The following SH2D4B variants were observed in gnomAD, a reference collection of about 807,000 sequenced individuals.
SH2D4B encodes the protein SH2 domain containing 4B, also known as SH2 domain-containing protein 4B.
A neutral mutation model predicts 61.5 loss-of-function variants in SH2D4B; 45 were observed. The ratio of observed to expected loss-of-function variants is 0.73; its 90% CI spans 0.58 to 0.94. The LOEUF (loss-of-function observed/expected upper bound fraction) is 0.94. Ranked by LOEUF, SH2D4B falls within the 40% of genes least tolerant of loss-of-function variation. The pLI, the probability that SH2D4B is intolerant of heterozygous loss-of-function variation, is 0.00. For missense variants in SH2D4B, 572 were observed against 574.2 expected, an observed-to-expected ratio of 1.00 and a Z score of 0.04; for synonymous variants, 224 against 220.4, an observed-to-expected ratio of 1.02 and a Z score of -0.14.
chr10:80,592,984 G>T (rs1466486180), intron 4 of SH2D4B, among the ~76,000 whole-genome samples: 1 of 152,046 alleles, frequency 6.6e-6, no homozygotes, highest in African/African-American at 2.4e-5. Context: ...CTCCCTAAGT[G>T]CTGGGATTAC....
chr10:80,630,578 G>A (rs1006493609), intron 6 of SH2D4B, among the ~76,000 whole-genome samples: 1 of 152,242 alleles, frequency 6.6e-6, no homozygotes, highest in Non-Finnish European at 1.5e-5. Flanking sequence ...GGAGAACAGA[G>A]GATTGATGTG....
At chr10:80,603,096 A>G (rs962020440) in intron 4 of SH2D4B, among the ~76,000 whole-genome samples, 5 of 152,112 alleles carry the variant, frequency 3.3e-5, no homozygotes, top group Non-Finnish European at 7.4e-5. Flanking sequence ...CACCAAGCCC[A>G]GGGCTTGGCA....
chr10:80,629,578 T>TG (rs1372773096), intron 6 of SH2D4B, among the ~76,000 whole-genome samples: 3 of 152,114 alleles, frequency 2.0e-5, no homozygotes, highest in African/African-American at 4.8e-5. Context: ...TCAGGGGTTG[T>TG]GGTGGGGGAC....
chr10:80,638,642 T>C (rs548901755), intron 7 of SH2D4B, among the ~76,000 whole-genome samples: 5 of 152,336 alleles, frequency 3.3e-5, no homozygotes, highest in East Asian at 3.9e-4. Flanking sequence ...ATCCCCTTTA[T>C]CATTTTTTAT....
At position 80,556,582 on chromosome 10, in the gene SH2D4B, G is replaced by A. The variant is rs114179173; in HGVS notation, c.185-13572G>A. 3.8e-3 allele frequency among the ~76,000 whole-genome samples: 573 copies of A among 152,200 alleles called. 3 individuals are homozygous for A. Among genetic ancestry groups the A allele is most frequent in the African/African-American group, 0.01 (434 of 41,530 alleles). ...GTGTATTGCTCCATTTATTTAGGTC[G>A]TCAATTTCTTTCAGCAATGTTTTGT... is the stretch of plus-strand genomic sequence containing the variant. On this transcript the variant is annotated intron_variant, in intron 1 of 7. Transcript: ENST00000646907.
Position 80,630,150 on chromosome 10 carries a change from C to T in SH2D4B, c.989-4135C>T, listed in dbSNP as rs551516700. Among the ~76,000 whole-genome samples the T allele has an allele frequency of 2.6e-5, 4 of 152,292 alleles. No homozygotes were observed. The South Asian group carries it at 6.2e-4, about 24-fold the overall frequency. On this transcript the variant is annotated intron_variant, in intron 6 of 7. Coordinates refer to ENST00000646907, the MANE Select transcript of SH2D4B (RefSeq NM_001388272.1). ...GGTAAGTGAGCCTGCTCCTGGAGTA[C>T]AGCTCAGAGAAAAATCTTGGCCAGG...
At chr10:80,624,888 A>G (rs566322910) in intron 6 of SH2D4B, among the ~76,000 whole-genome samples, 1 of 152,328 alleles carries the variant, frequency 6.6e-6, no homozygotes, top group Admixed American at 6.5e-5. Flanking sequence ...AATATTAAAT[A>G]TTGAATACTT....
At chr10:80,618,666 G>A (rs1842684608) in intron 6 of SH2D4B, among the ~76,000 whole-genome samples, 1 of 152,188 alleles carries the variant, frequency 6.6e-6, no homozygotes, top group African/African-American at 2.4e-5. Context: ...AGTGGTAATG[G>A]AGGTGTTGTC....
rs977847364 is a variant in SH2D4B, at chr10:80,539,223, C to T, written c.184+708C>T. Among the ~76,000 whole-genome samples the T allele has an allele frequency of 6.6e-6, 1 of 152,220 alleles. No individual in the cohort carries two copies. Among genetic ancestry groups the T allele is most frequent in the Non-Finnish European group, 1.5e-5 (1 of 68,034 alleles). On this transcript the variant is annotated intron_variant, in intron 1 of 7. Coordinates refer to ENST00000646907, the MANE Select transcript of SH2D4B (RefSeq NM_001388272.1). The surrounding 1 kb of genome is among the most constrained non-coding windows in gnomAD (Gnocchi z 4.9). ...TGGGTGAAGGAAATCATCCAGGACC[C>T]CTGGGCCAGAAACTGGCAGGCTGCT...
intron 5 of SH2D4B, among the ~76,000 whole-genome samples, chr10:80,605,660 G>A (rs916303219): frequency 2.6e-5 from 4 of 151,982 alleles, no homozygotes; most frequent in Admixed American, 6.6e-5. Flanking sequence ...CTGGGATTAT[G>A]GGTGCGTGCC....
chr10:80,643,052 T>A, intron 7 of SH2D4B: 1 of 152,692 alleles, frequency 6.5e-6, no homozygotes, highest in East Asian at 1.9e-4. Context: ...CTTGGATTTC[T>A]TCTGTGAATC....
intron 1 of SH2D4B, among the ~76,000 whole-genome samples, chr10:80,543,818 A>G (rs12771216): frequency 6.9e-3 from 826 of 119,168 alleles, no homozygotes; most frequent in African/African-American, 0.019. Context: ...GAATGCACCA[A>G]TGGACACTCT....
chr10:80,552,226 C>G (rs1841770512), intron 1 of SH2D4B, among the ~76,000 whole-genome samples: 1 of 152,208 alleles, frequency 6.6e-6, no homozygotes, highest in Non-Finnish European at 1.5e-5. Flanking sequence ...GGTCACACAG[C>G]TGGTCAGTGA....
At chr10:80,560,780 C>G (rs1841894154) in intron 1 of SH2D4B, among the ~76,000 whole-genome samples, 1 of 134,438 alleles carries the variant, frequency 7.4e-6, no homozygotes, top group African/African-American at 2.8e-5. Context: ...AAGTGTTGTT[C>G]CTGAATTCCT....
At chr10:80,601,449 T>C (rs1036246287) in intron 4 of SH2D4B, among the ~76,000 whole-genome samples, 8 of 152,238 alleles carry the variant, frequency 5.3e-5, no homozygotes, top group African/African-American at 1.4e-4. Flanking sequence ...CACTGTTATC[T>C]CTGTATCCAA....
In SH2D4B at chr10:80,603,618, G is replaced by A. The variant is rs539402236; in HGVS notation, c.683G>A (p.Arg228Gln). 3.2e-6 allele frequency: 5 copies of A among 1,583,504 alleles called. No individual in the cohort carries two copies. Among genetic ancestry groups the A allele is most frequent in the African/African-American group, 1.3e-5 (1 of 74,630 alleles). ...GCGGCTGATGAGGAGAGGAGCCGCC[G>A]AGCCCAGCGCGCCCGGGACGAGTAC... ...SKAADEERSR[R>Q]AQRARDEYRH... Residue 228 changes from arginine to glutamine, a missense_variant, in exon 5 of 8, where the codon CGA (arginine) becomes CAA (glutamine). Coordinates refer to ENST00000646907, the MANE Select transcript of SH2D4B (RefSeq NM_001388272.1).
intron 1 of SH2D4B, among the ~76,000 whole-genome samples, chr10:80,556,990 G>T (rs956396811): frequency 1.3e-5 from 2 of 152,112 alleles, no homozygotes; most frequent in Non-Finnish European, 2.9e-5. Flanking sequence ...TTAGAGGGAA[G>T]TATTCAATCT....
chr10:80,589,774 G>C (rs776392574), intron 4 of SH2D4B, among the ~76,000 whole-genome samples: 1 of 152,198 alleles, frequency 6.6e-6, no homozygotes, highest in African/African-American at 2.4e-5. Flanking sequence ...GAATAAGCAA[G>C]TCAAAAAGGC....
chr10:80,542,603 C>T (rs1372359636), intron 1 of SH2D4B, among the ~76,000 whole-genome samples: 1 of 151,960 alleles, frequency 6.6e-6, no homozygotes, highest in East Asian at 1.9e-4. Flanking sequence ...ATCATGTTGG[C>T]CAGGCTGGTC....
Sources: gnomAD v4.1 joint callset for allele counts (sites outside exome capture counted in the v4.1 genomes callset) on GRCh38, gnomAD v4.1.1 for gene constraint, Gnocchi (gnomAD v3.1) non-coding constraint, MANE v1.5 for transcripts, NCBI Gene and HGNC (gene_info 2026-07-23, HGNC 2026-07-21) for gene names.